Variants in CFAP54 observed in about 807,000 individuals in gnomAD.
The protein encoded by CFAP54 is cilia and flagella associated protein 54, also known as cilia- and flagella-associated protein 54.
Under a neutral mutation model 370.4 loss-of-function variants are expected in CFAP54, and 290 were observed. The observed-to-expected ratio is 0.78, with a 90% CI of 0.71 to 0.86. The LOEUF is 0.86. Among genes scored for constraint, CFAP54 ranks in the 40% least tolerant of loss-of-function variants. CFAP54 has a pLI of 0.00. For missense variants in CFAP54, 3,399 were observed against 3,528.7 expected (o/e 0.96, Z 0.93); for synonymous variants, 1,206 against 1,236.5 (o/e 0.98, Z 0.52).
intron 50 of CFAP54, among the ~76,000 whole-genome samples, chr12:96,722,662 G>A (rs1592725612): frequency 6.6e-6 from 1 of 152,174 alleles, no homozygotes; most frequent in African/African-American, 2.4e-5. Flanking sequence ...CTTGCTGCTA[G>A]TGTGAGAATT....
intron 19 of CFAP54, chr12:96,572,895 T>A (rs1336148155): frequency 2.0e-6 from 2 of 985,332 alleles, no homozygotes; most frequent in South Asian, 4.7e-5. Flanking sequence ...AAGTTTTTTT[T>A]ACCTCAGTTG....
chr12:96,794,633 CA>C (rs1181743686), intron 63 of CFAP54, among the ~76,000 whole-genome samples: 2 of 151,948 alleles, frequency 1.3e-5, no homozygotes, highest in African/African-American at 4.8e-5. Flanking sequence ...AAGATTTTTC[CA>C]TCCATATCTT....
intron 29 of CFAP54, among the ~76,000 whole-genome samples, chr12:96,626,117 C>G (rs1225684749): frequency 2.6e-5 from 4 of 152,120 alleles, no homozygotes; most frequent in African/African-American, 9.7e-5. Flanking sequence ...GGCGCAGAAG[C>G]TCACGCCTGT....
chr12:96,571,334 A>G (rs898132764), intron 19 of CFAP54, among the ~76,000 whole-genome samples: 3 of 152,184 alleles, frequency 2.0e-5, no homozygotes, highest in Admixed American at 6.5e-5. Context: ...TTGGTGGCAC[A>G]TTGCAGTGGA....
chr12:96,576,686 C>T lies in CFAP54; in HGVS notation c.2721C>T (p.Pro907=), dbSNP rs938963727. 2.0e-6 allele frequency: 3 copies of T among 1,535,638 alleles called. No homozygotes were observed. The highest frequency in any genetic ancestry group is 2.6e-6 in the Non-Finnish European group (3 of 1,146,632). Residue 907 remains proline (P), a synonymous_variant, in exon 20 of 68, where the codon CCC becomes CCT. Coordinates refer to ENST00000524981, the MANE Select transcript of CFAP54 (RefSeq NM_001306084.2). ...ESSKRKKSRV[P]PPPILLSRTH... is the part of the protein sequence containing the mutation. ...CAAAAAGAAAGAAAAGCAGAGTCCCCCCTCCACCTATCCTGCTGTCTCGAA... is the reference window on the plus strand; with the variant it reads ...CAAAAAGAAAGAAAAGCAGAGTCCCTCCTCCACCTATCCTGCTGTCTCGAA...
intron 17 of CFAP54, 117 bp downstream of exon 17, chr12:96,554,919 A>AT: frequency 5.1e-6 from 5 of 986,480 alleles, no homozygotes; most frequent in African/African-American, 3.3e-5. Flanking sequence ...GATAAATTTC[A>AT]TTTTTTTCTA....
intron 42 of CFAP54, among the ~76,000 whole-genome samples, chr12:96,687,144 C>T (rs762631385): frequency 2.6e-5 from 4 of 152,116 alleles, no homozygotes; most frequent in Non-Finnish European, 4.4e-5. Flanking sequence ...TATTTTCTTC[C>T]ATCTTCACAT....
intron 42 of CFAP54, 125 bp from the exon 43 acceptor site, chr12:96,688,791 A>G (rs1441520285): frequency 2.0e-6 from 1 of 498,382 alleles, no homozygotes; most frequent in African/African-American, 2.0e-5. Flanking sequence ...CTATTTTCTT[A>G]TATATTTATA....
chr12:96,832,656 C>T (rs1020976045), intron 66 of CFAP54, among the ~76,000 whole-genome samples: 23 of 152,120 alleles, frequency 1.5e-4, no homozygotes, highest in African/African-American at 4.8e-4. Flanking sequence ...CCCTAGTCAA[C>T]TAGTTTTAAG....
At chr12:96,609,382 T>C (rs988851567) in intron 26 of CFAP54, among the ~76,000 whole-genome samples, 7 of 152,178 alleles carry the variant, frequency 4.6e-5, no homozygotes, top group African/African-American at 1.4e-4. Flanking sequence ...TTGATAACAC[T>C]TAGTAACCTT....
chr12:96,729,874 A>T (rs1356389706), intron 50 of CFAP54, among the ~76,000 whole-genome samples: 1 of 152,100 alleles, frequency 6.6e-6, no homozygotes, highest in East Asian at 1.9e-4. Context: ...TATGAAGGGG[A>T]GTAGAGAAAG....
At chr12:96,706,875 A>G (rs984842846) in intron 47 of CFAP54, among the ~76,000 whole-genome samples, 5 of 152,244 alleles carry the variant, frequency 3.3e-5, no homozygotes, top group Non-Finnish European at 5.9e-5. Context: ...GATATCTGTT[A>G]GACATCCAAG....
chr12:96,688,757 T>A (rs1213685069), intron 42 of CFAP54, among the ~76,000 whole-genome samples, 159 bp from the exon 43 acceptor site: 1 of 152,150 alleles, frequency 6.6e-6, no homozygotes, highest in African/African-American at 2.4e-5. Context: ...GGGGATTTTT[T>A]ATCTTCTTTA....
intron 67 of CFAP54, among the ~76,000 whole-genome samples, chr12:96,866,991 G>T (rs1297787191): frequency 6.6e-6 from 1 of 152,108 alleles, no homozygotes; most frequent in African/African-American, 2.4e-5. Flanking sequence ...GTTTAGGCCT[G>T]CTGGGGTTTG....
intron 56 of CFAP54, among the ~76,000 whole-genome samples, chr12:96,754,785 C>T (rs1026245918): frequency 2.6e-5 from 4 of 151,878 alleles, no homozygotes; most frequent in Admixed American, 2.6e-4. Context: ...GCTCTGTTGC[C>T]CAGGCTGGAG....
At chr12:96,664,673 A>G (rs1456583817) in intron 39 of CFAP54, among the ~76,000 whole-genome samples, 1 of 132,170 alleles carries the variant, frequency 7.6e-6, no homozygotes, top group Non-Finnish European at 1.6e-5. Context: ...TAATAGAACA[A>G]TTTATATTCC....
chr12:96,830,920 C>T (rs940303275), intron 66 of CFAP54, among the ~76,000 whole-genome samples: 7 of 152,156 alleles, frequency 4.6e-5, no homozygotes, highest in African/African-American at 1.7e-4. Context: ...AAGTGATCCA[C>T]CTGCCTTGGT....
intron 65 of CFAP54, among the ~76,000 whole-genome samples, chr12:96,819,132 T>G (rs1461940428): frequency 6.6e-6 from 1 of 152,226 alleles, no homozygotes; most frequent in East Asian, 1.9e-4. Context: ...GTTTGTTATT[T>G]GCTTTCACAC....
intron 15 of CFAP54, 42 bp downstream of exon 15, chr12:96,548,020 T>G (rs1175049330): frequency 3.6e-6 from 3 of 844,140 alleles, no homozygotes; most frequent in Non-Finnish European, 5.3e-6. Context: ...AACATGCAAT[T>G]TTATTTTCAA....
Sources: gnomAD v4.1 joint callset for allele counts (sites outside exome capture counted in the v4.1 genomes callset) on GRCh38, gnomAD v4.1.1 for gene constraint, MANE v1.5 for transcripts, NCBI Gene and HGNC (gene_info 2026-07-23, HGNC 2026-07-21) for gene names.